Variants in PRKD1 observed in about 807,000 individuals in gnomAD.
The protein encoded by PRKD1 is serine/threonine-protein kinase D1.
In PRKD1, 63 loss-of-function variants were observed where a neutral mutation model predicts 95.9. The observed-to-expected ratio is 0.66, with a 90% CI of 0.54 to 0.81. The LOEUF is 0.81. Among genes scored for constraint, PRKD1 ranks in the 30% least tolerant of loss-of-function variants. PRKD1 has a pLI of 0.00. For missense variants in PRKD1, 1,048 were observed against 1,165.3 expected (o/e 0.90, Z 1.47); for synonymous variants, 425 against 423.1 (o/e 1.00, Z -0.05).
intron 8 of PRKD1, among the ~76,000 whole-genome samples, chr14:29,633,416 G>A (rs1453285366): frequency 2.0e-5 from 3 of 152,192 alleles, no homozygotes; most frequent in African/African-American, 7.2e-5. Flanking sequence ...AATTCTGAAT[G>A]TTAGAGTAGA....
At chr14:29,700,865 CCTACAG>C (rs979569257) in intron 2 of PRKD1, among the ~76,000 whole-genome samples, 3 of 152,156 alleles carry the variant, frequency 2.0e-5, no homozygotes, top group African/African-American at 7.2e-5. Context: ...GCTACCCTAT[CCTACAG>C]ATTTTGGACT....
chr14:29,765,992 T>A (rs1888239256), intron 1 of PRKD1, among the ~76,000 whole-genome samples: 1 of 152,156 alleles, frequency 6.6e-6, no homozygotes, highest in Non-Finnish European at 1.5e-5. Context: ...TAAACCATAC[T>A]TTCAGCTTTG....
At chr14:29,671,190 T>G (rs1167540593) in intron 2 of PRKD1, among the ~76,000 whole-genome samples, 1 of 152,036 alleles carries the variant, frequency 6.6e-6, no homozygotes, top group Non-Finnish European at 1.5e-5. Context: ...GAAAAAGGTC[T>G]CACAAGCCAG....
At position 29,778,843 on chromosome 14, in the gene PRKD1, A is replaced by T. The variant is rs1397976080; in HGVS notation, c.265-53169T>A. Among the ~76,000 whole-genome samples the T allele has an allele frequency of 2.6e-4, 39 of 152,212 alleles. 2 individuals are homozygous for T. The highest frequency in any genetic ancestry group is 2.6e-3 in the Admixed American group (39 of 15,280). ...TGGCAGAGACACAACAAAAAACAGA[A>T]TTTTAGACCAATATCCCTGATGATC... On this transcript the variant is annotated intron_variant, in intron 1 of 17. Coordinates refer to ENST00000331968, the MANE Select transcript of PRKD1 (RefSeq NM_002742.3).
chr14:29,836,976 T>C (rs1594564347), intron 1 of PRKD1, among the ~76,000 whole-genome samples: 1 of 152,168 alleles, frequency 6.6e-6, no homozygotes, highest in Non-Finnish European at 1.5e-5. Context: ...AATCACAGGA[T>C]GGTTACCTTA....
At chr14:29,739,549 A>C (rs987152865) in intron 1 of PRKD1, among the ~76,000 whole-genome samples, 17 of 152,226 alleles carry the variant, frequency 1.1e-4, no homozygotes, top group Non-Finnish European at 1.5e-4. Context: ...TAATTAAAGA[A>C]AAGTCTGCCT....
At position 29,599,647 on chromosome 14, in the gene PRKD1, A is replaced by G. The variant is rs1212554828; in HGVS notation, c.2067+9T>C. ...ATTGTATTTTTTCCGTCTCTAATTGATTTCTTACCTGAGTAATTAAAAACT... is the reference window on the plus strand; with the variant it reads ...ATTGTATTTTTTCCGTCTCTAATTGGTTTCTTACCTGAGTAATTAAAAACT... On this transcript the variant is annotated intron_variant, in intron 14 of 17. Transcript: ENST00000331968. 3 of 1,602,518 alleles carry G rather than the reference A, an allele frequency of 1.9e-6. No individual in the cohort carries two copies. The highest frequency in any genetic ancestry group is 2.7e-5 in the African/African-American group (2 of 74,232).
intron 2 of PRKD1, among the ~76,000 whole-genome samples, chr14:29,687,800 A>G (rs995555843): frequency 6.6e-6 from 1 of 152,240 alleles, no homozygotes; most frequent in African/African-American, 2.4e-5. Context: ...CTAGTGCTCA[A>G]TATCTGTCAC....
At chr14:29,898,196 A>G (rs1490935648) in intron 1 of PRKD1, among the ~76,000 whole-genome samples, 1 of 152,070 alleles carries the variant, frequency 6.6e-6, no homozygotes, top group Admixed American at 6.5e-5. Flanking sequence ...ATTTATGTGT[A>G]TTTTTGCACA....
intron 1 of PRKD1, among the ~76,000 whole-genome samples, chr14:29,886,440 T>A (rs1398527678): frequency 6.6e-6 from 1 of 152,190 alleles, no homozygotes; most frequent in Non-Finnish European, 1.5e-5. Context: ...AAGGAGCCAA[T>A]TCCCACTCTC....
intron 4 of PRKD1, among the ~76,000 whole-genome samples, chr14:29,640,637 T>C (rs1880696544): frequency 6.6e-6 from 1 of 152,194 alleles, no homozygotes. Context: ...TAAAGAATAA[T>C]TAAATCCACA....
Position 29,927,477 on chromosome 14 carries a change from C to G in PRKD1, c.36G>C (p.Pro12=). Residue 12 remains proline, a synonymous_variant, in exon 1 of 18, where the codon CCG becomes CCC. Coordinates refer to ENST00000331968, the MANE Select transcript of PRKD1 (RefSeq NM_002742.3). The part of the protein sequence containing the change: ...SAPPVLRPPS[P]LLPVAAAAAA... ...CAGCTGCCGCCGCCACGGGCAGCAG[C>G]GGACTGGGCGGCCGCAGGACCGGAG... 1 of 1,252,414 alleles carries G rather than the reference C, an allele frequency of 8.0e-7. No homozygotes were observed. Among genetic ancestry groups the G allele is most frequent in the Non-Finnish European group, 1.0e-6 (1 of 1,003,490 alleles). 77.6% of individuals were successfully genotyped at this position (1,252,414 alleles called of 1,614,324 possible).
intron 6 of PRKD1, among the ~76,000 whole-genome samples, chr14:29,636,849 T>G (rs930994631): frequency 6.6e-5 from 10 of 152,152 alleles, no homozygotes; most frequent in Non-Finnish European, 1.5e-4. Context: ...TACCTCCCAC[T>G]TATAAGTGAG....
At chr14:29,709,157 A>G (rs976065064) in intron 2 of PRKD1, among the ~76,000 whole-genome samples, 1 of 152,186 alleles carries the variant, frequency 6.6e-6, no homozygotes, top group Admixed American at 6.5e-5. Context: ...TGTCCCATAA[A>G]GTTAGCTTAC....
chr14:29,920,805 T>G (rs546642543), intron 1 of PRKD1, among the ~76,000 whole-genome samples: 1 of 152,310 alleles, frequency 6.6e-6, no homozygotes, highest in South Asian at 2.1e-4. Context: ...CTCAATTGTT[T>G]CCCAGTAAAT....
At chr14:29,815,864 C>T (rs888160638) in intron 1 of PRKD1, among the ~76,000 whole-genome samples, 2 of 152,072 alleles carry the variant, frequency 1.3e-5, no homozygotes, top group Non-Finnish European at 2.9e-5. Flanking sequence ...TCTTTATTAG[C>T]TTAAGACATT....
At chr14:29,591,182 T>A (rs542351171) in intron 16 of PRKD1, 11 of 152,198 alleles carry the variant, frequency 7.2e-5, no homozygotes, top group Non-Finnish European at 1.2e-4. Context: ...TGTTTATAGT[T>A]GTTTCTTCTT....
intron 1 of PRKD1, among the ~76,000 whole-genome samples, chr14:29,866,956 C>T (rs1892929906): frequency 6.6e-6 from 1 of 152,210 alleles, no homozygotes; most frequent in Admixed American, 6.5e-5. Flanking sequence ...TAACAATCCT[C>T]ACTTCCCCTC....
intron 2 of PRKD1, among the ~76,000 whole-genome samples, chr14:29,708,284 T>C (rs192911648): frequency 6.6e-6 from 1 of 152,080 alleles, no homozygotes; most frequent in African/African-American, 2.4e-5. Flanking sequence ...AGGATGACAT[T>C]AAAAAGTGGC....
Sources: gnomAD v4.1 joint callset for allele counts (sites outside exome capture counted in the v4.1 genomes callset) on GRCh38, gnomAD v4.1.1 for gene constraint, MANE v1.5 for transcripts, NCBI Gene and HGNC (gene_info 2026-07-23, HGNC 2026-07-21) for gene names.